Variants in SPICE1 observed in about 807,000 individuals in gnomAD.
SPICE1 encodes spindle and centriole associated protein 1.
Under a neutral mutation model 102.7 loss-of-function variants are expected in SPICE1, and 75 were observed. That is an observed-to-expected ratio of 0.73 (90% confidence interval 0.61 to 0.88). The LOEUF (loss-of-function observed/expected upper bound fraction) is 0.88, where lower values mean the gene tolerates loss of function less well. SPICE1 is among the 40% of genes least tolerant of loss of function. The probability of loss-of-function intolerance (pLI) is 0.00; values close to 1 mark genes in which losing one functional copy is unlikely to be tolerated. For synonymous variants in SPICE1, 308 were observed against 350.3 expected, an observed-to-expected ratio of 0.88 and a Z score of 1.35; for missense variants, 979 against 1,020.1, an observed-to-expected ratio of 0.96 and a Z score of 0.55.
chr3:113,475,231 C>T (rs1463343647), intron 7 of SPICE1, among the ~76,000 whole-genome samples: 1 of 152,066 alleles, frequency 6.6e-6, no homozygotes, highest in Admixed American at 6.5e-5. Context: ...AAGACTAAAC[C>T]AGGAAGAAGT....
intron 10 of SPICE1, among the ~76,000 whole-genome samples, 168 bp from the exon 11 acceptor site, chr3:113,465,952 T>C (rs1936046211): frequency 2.6e-5 from 4 of 152,234 alleles, no homozygotes; most frequent in Admixed American, 2.6e-4. Flanking sequence ...AAAGAAAATG[T>C]GCTTCTTTAT....
At chr3:113,477,172 A>C (rs1459627790) in intron 7 of SPICE1, among the ~76,000 whole-genome samples, 242 of 152,332 alleles carry the variant, frequency 1.6e-3, no homozygotes, top group African/African-American at 5.4e-3. Flanking sequence ...CAGCCAAAAA[A>C]ACACATGAAA....
At chr3:113,497,472 A>G (rs1305786014) in intron 4 of SPICE1, among the ~76,000 whole-genome samples, 1 of 152,148 alleles carries the variant, frequency 6.6e-6, no homozygotes, top group East Asian at 1.9e-4. Flanking sequence ...GTAGATGTCT[A>G]AGCACTGACA....
intron 11 of SPICE1, among the ~76,000 whole-genome samples, chr3:113,463,075 C>G (rs1935969919): frequency 6.6e-6 from 1 of 152,200 alleles, no homozygotes; most frequent in Admixed American, 6.5e-5. Context: ...CTGCTCTTCT[C>G]TCAGCTACCC....
At chr3:113,470,769 A>C (rs1936175649) in intron 7 of SPICE1, among the ~76,000 whole-genome samples, 1 of 152,224 alleles carries the variant, frequency 6.6e-6, no homozygotes, top group Non-Finnish European at 1.5e-5. Flanking sequence ...AAGGGTAAAG[A>C]CTCAAGTCAC....
intron 4 of SPICE1, 152 bp downstream of exon 4, chr3:113,499,287 C>T (rs780832878): frequency 3.8e-5 from 29 of 771,570 alleles, no homozygotes; most frequent in Non-Finnish European, 4.7e-5. Flanking sequence ...CCAGTCACCA[C>T]TCTGTTGCTT....
At position 113,514,934 on chromosome 3, in the gene SPICE1, T is replaced by A; in HGVS notation, c.-38A>T. 9.2e-7 allele frequency: 1 copy of A among 1,087,904 alleles called. No individual in the cohort carries two copies. The highest frequency in any genetic ancestry group is 1.2e-6 in the Non-Finnish European group (1 of 857,160). The allele number at this position is 1,087,904 out of a possible 1,614,324, so 67.4% of individuals were successfully genotyped here. ...AACACAGAGCCGCGGCTGCGCTTCCTGAAGTAAGGATTCCCCAACCGGGCG... is the reference window on the plus strand; with the variant it reads ...AACACAGAGCCGCGGCTGCGCTTCCAGAAGTAAGGATTCCCCAACCGGGCG... On this transcript the variant is annotated 5_prime_UTR_variant, in exon 1 of 18. Transcript: ENST00000295872.
intron 7 of SPICE1, among the ~76,000 whole-genome samples, chr3:113,472,056 C>G (rs535169134): frequency 2.0e-5 from 3 of 152,230 alleles, no homozygotes; most frequent in African/African-American, 7.2e-5. Context: ...GGGTGACAGA[C>G]GGCACCTGGA....
At chr3:113,478,774 T>A (rs1397844958) in intron 7 of SPICE1, among the ~76,000 whole-genome samples, 1 of 152,184 alleles carries the variant, frequency 6.6e-6, no homozygotes, top group Non-Finnish European at 1.5e-5. Context: ...TAGAACTTTA[T>A]ACCTTGTTAG....
intron 2 of SPICE1, among the ~76,000 whole-genome samples, chr3:113,503,987 T>C (rs538742281): frequency 1.3e-5 from 2 of 150,970 alleles, no homozygotes; most frequent in East Asian, 1.9e-4. Flanking sequence ...GTTCAATTTG[T>C]GTCTGCAAAC....
chr3:113,460,177 T>C (rs895151419), intron 12 of SPICE1: 37 of 985,328 alleles, frequency 3.8e-5, no homozygotes, highest in Admixed American at 1.2e-4. Context: ...ACAAAAGTTA[T>C]GAATTTCTAA....
intron 11 of SPICE1, among the ~76,000 whole-genome samples, chr3:113,462,553 CAT>C (rs915811020): frequency 4.6e-5 from 7 of 152,326 alleles, no homozygotes; most frequent in African/African-American, 1.7e-4. Context: ...TTGTGTCCCA[CAT>C]GATTCCAAGC....
chr3:113,477,067 A>T (rs1274695843), intron 7 of SPICE1, among the ~76,000 whole-genome samples: 23 of 151,838 alleles, frequency 1.5e-4, no homozygotes, highest in Admixed American at 3.3e-4. Flanking sequence ...GAATCTACAA[A>T]GAACTCAAAC....
chr3:113,450,313 T>TA (rs751879408), intron 15 of SPICE1, 23 bp downstream of exon 15: 1 of 1,613,496 alleles, frequency 6.2e-7, no homozygotes. Flanking sequence ...TTCTAGTTTT[T>TA]AAATCATGAA....
intron 7 of SPICE1, among the ~76,000 whole-genome samples, chr3:113,478,659 G>T (rs1054230628): frequency 1.3e-5 from 2 of 152,078 alleles, no homozygotes; most frequent in African/African-American, 4.8e-5. Flanking sequence ...CTAGTAGTAG[G>T]AGACTTTAAT....
rs1426723682 is a variant in SPICE1 at position 113,457,291 on chromosome 3, G to A, written c.1502C>T (p.Pro501Leu). 8 of 1,614,028 alleles carry A rather than the reference G, an allele frequency of 5.0e-6. No individual in the cohort carries two copies. In the South Asian group the frequency reaches 8.8e-5, roughly 18 times the overall value. The change falls in exon 13 of 18, where the codon CCA (proline) becomes CTA (leucine). Residue 501 changes from proline (P) to leucine (L), a missense_variant. Coordinates refer to ENST00000295872, the MANE Select transcript of SPICE1 (RefSeq NM_144718.4). ...LMFREEVAEF[P>L]QEELPVKLSQ... Reference sequence around the variant, plus strand: ...CAGTTTAACGGGCAACTCTTCCTGTGGGAATTCAGCCACTTCCTCTCTGAA... The same window carrying A: ...CAGTTTAACGGGCAACTCTTCCTGTAGGAATTCAGCCACTTCCTCTCTGAA...
At chr3:113,472,466 C>A (rs986990489) in intron 7 of SPICE1, among the ~76,000 whole-genome samples, 1 of 152,232 alleles carries the variant, frequency 6.6e-6, no homozygotes, top group Non-Finnish European at 1.5e-5. Context: ...GATCTGAGAA[C>A]GGGCAGATTG....
intron 10 of SPICE1, among the ~76,000 whole-genome samples, chr3:113,467,876 T>C (rs1936097202): frequency 2.7e-5 from 4 of 150,866 alleles, no homozygotes; most frequent in Admixed American, 2.0e-4. Flanking sequence ...GATATAATTA[T>C]ATTAATGGCA....
chr3:113,503,260 A>G, intron 2 of SPICE1, 33 bp from the exon 3 acceptor site: 1 of 1,542,932 alleles, frequency 6.5e-7, no homozygotes, highest in Non-Finnish European at 8.7e-7. Flanking sequence ...TTTAAAAAAA[A>G]AAAAAAGTTT....
Sources: gnomAD v4.1 joint callset for allele counts (sites outside exome capture counted in the v4.1 genomes callset) on GRCh38, gnomAD v4.1.1 for gene constraint, MANE v1.5 for transcripts, NCBI Gene and HGNC (gene_info 2026-07-23, HGNC 2026-07-21) for gene names.